Variants in CDC42BPB observed in about 807,000 individuals in gnomAD.
CDC42BPB encodes serine/threonine-protein kinase MRCK beta.
Under a neutral mutation model 214.9 loss-of-function variants are expected in CDC42BPB, and 37 were observed. The ratio of observed to expected loss-of-function variants is 0.17; its 90% CI spans 0.13 to 0.23. The LOEUF (loss-of-function observed/expected upper bound fraction) is 0.23, where lower values mean the gene tolerates loss of function less well. Ranked by LOEUF, CDC42BPB falls within the 10% of genes least tolerant of loss-of-function variation. The probability of loss-of-function intolerance (pLI) is 1.00; values close to 1 mark genes in which losing one functional copy is unlikely to be tolerated. For missense variants in CDC42BPB, 1,694 were observed against 2,227.0 expected, an observed-to-expected ratio of 0.76 and a Z score of 4.82; for synonymous variants, 931 against 884.0, an observed-to-expected ratio of 1.05 and a Z score of -0.94.
chr14:102,941,884 A>G lies in CDC42BPB; in HGVS notation c.4409-1560T>C, dbSNP rs553675657. Among the ~76,000 whole-genome samples, 17 of 152,332 alleles carry G rather than the reference A, an allele frequency of 1.1e-4. No individual in the cohort carries two copies. The East Asian group carries it at 3.3e-3, about 29-fold the overall frequency. On this transcript the variant is annotated intron_variant, in intron 30 of 36. Coordinates refer to ENST00000361246, the MANE Select transcript of CDC42BPB (RefSeq NM_006035.4). Reference sequence around the variant, plus strand: ...AAGGGTGCAGAATGAGCAGTTCTGCATCCTACAGGTGATGGAATTACTTTT... The same window carrying G: ...AAGGGTGCAGAATGAGCAGTTCTGCGTCCTACAGGTGATGGAATTACTTTT...
At position 103,003,977 on chromosome 14, in the gene CDC42BPB, C is replaced by T. The variant is rs978392521; in HGVS notation, c.398G>A (p.Cys133Tyr). The T allele has an allele frequency of 6.2e-7, 1 of 1,610,964 alleles. No homozygotes were observed. Among genetic ancestry groups the T allele is most frequent in the Non-Finnish European group, 8.5e-7 (1 of 1,179,540 alleles). ...GTAGTGCAGCGCGGTGATCCACTGG[C>T]AGTCGCCGTTCACCAGCACATCGCG... The part of the protein sequence containing the change: ...EERDVLVNGD[C>Y]QWITALHYAF... The change falls in exon 4 of 37, where the codon TGC (cysteine) becomes TAC (tyrosine). Residue 133 changes from cysteine (C) to tyrosine (Y), a missense_variant. By Grantham distance (194) the Cys-to-Tyr change is radical (BLOSUM62 -2). This residue lies in a region of CDC42BPB where 225 missense variants were observed against 459.3 expected (regional missense o/e 0.49). Coordinates refer to ENST00000361246, the MANE Select transcript of CDC42BPB (RefSeq NM_006035.4).
rs60528250 is a variant in CDC42BPB, at chr14:102,960,626, A to G, written c.2822-916T>C. On this transcript the variant is annotated intron_variant, in intron 20 of 36. Coordinates refer to ENST00000361246, the MANE Select transcript of CDC42BPB (RefSeq NM_006035.4). ...CCCTGTCACACACACAAAAAAACAC[A>G]TATCAAAAAACAAGAATCAAGTGGT... Among the ~76,000 whole-genome samples, 1,203 of 152,194 alleles carry G rather than the reference A, an allele frequency of 7.9e-3. 20 individuals are homozygous for G. The highest frequency in any genetic ancestry group is 0.028 in the African/African-American group (1,156 of 41,522).
At chr14:102,985,428 G>C (rs1041393761) in intron 6 of CDC42BPB, among the ~76,000 whole-genome samples, 2 of 152,026 alleles carry the variant, frequency 1.3e-5, no homozygotes, top group African/African-American at 4.8e-5. Flanking sequence ...CCATGCTCTG[G>C]TTATACTGTG....
chr14:103,009,994 G>A (rs927682281), intron 2 of CDC42BPB, among the ~76,000 whole-genome samples: 7 of 152,108 alleles, frequency 4.6e-5, no homozygotes, highest in African/African-American at 1.7e-4. Flanking sequence ...AAGAAAAAAA[G>A]AAAACAACTA....
chr14:103,012,950 C>T (rs1886240319), intron 1 of CDC42BPB, among the ~76,000 whole-genome samples: 1 of 152,226 alleles, frequency 6.6e-6, no homozygotes, highest in African/African-American at 2.4e-5. Context: ...TAGGTTTTGC[C>T]ATCTGAGTCT....
chr14:103,034,177 G>A (rs1200978314), intron 1 of CDC42BPB, among the ~76,000 whole-genome samples: 1 of 152,114 alleles, frequency 6.6e-6, no homozygotes, highest in African/African-American at 2.4e-5. Flanking sequence ...GAACGCTTTA[G>A]GACAAACAAG....
At chr14:102,959,754 TCTACATA>T (rs1298303588) in intron 20 of CDC42BPB, 44 bp from the exon 21 acceptor site, 100 of 1,566,146 alleles carry the variant, frequency 6.4e-5, no homozygotes, top group Non-Finnish European at 8.2e-5. Context: ...AAAACTAAAG[TCTACATA>T]TTATTTTCAG....
chr14:102,973,985 A>C (rs937192981), intron 12 of CDC42BPB, 31 bp downstream of exon 12: 1 of 1,582,386 alleles, frequency 6.3e-7, no homozygotes, highest in African/African-American at 1.4e-5. Flanking sequence ...AAGTCCCGTA[A>C]GCCTTTCTCA....
intron 30 of CDC42BPB, chr14:102,941,495 C>G: frequency 1.0e-6 from 1 of 985,430 alleles, no homozygotes; most frequent in Non-Finnish European, 1.2e-6. Context: ...TTCAGATGCA[C>G]CTGTGAGGCC....
In CDC42BPB at chr14:102,964,095, T is replaced by C. The variant is rs188941381; in HGVS notation, c.2726+407A>G. On this transcript the variant is annotated intron_variant, in intron 19 of 36. Transcript: ENST00000361246. ...TCAAGTGAGAATGCCATCTTCAACC[T>C]CTGTTTTAAAATATTCACGTTAGCT... Among the ~76,000 whole-genome samples, 5 of 152,350 alleles carry C rather than the reference T, an allele frequency of 3.3e-5. No individual in the cohort carries two copies. In the East Asian group the frequency reaches 9.6e-4, roughly 29 times the overall value.
At chr14:103,037,103 T>C (rs1445919910) in intron 1 of CDC42BPB, among the ~76,000 whole-genome samples, 1 of 151,056 alleles carries the variant, frequency 6.6e-6, no homozygotes, top group African/African-American at 2.5e-5. Flanking sequence ...ACTTTTAGAC[T>C]TATCAAAATC....
chr14:103,030,276 C>T (rs978459496), intron 1 of CDC42BPB, among the ~76,000 whole-genome samples: 32 of 152,218 alleles, frequency 2.1e-4, no homozygotes, highest in African/African-American at 7.2e-4. Flanking sequence ...CTTTTTAAAA[C>T]ATTTAAGAAT....
At chr14:102,988,426 T>G (rs1440903185) in intron 5 of CDC42BPB, among the ~76,000 whole-genome samples, 1 of 150,914 alleles carries the variant, frequency 6.6e-6, no homozygotes, top group Non-Finnish European at 1.5e-5. Flanking sequence ...AATATCAATG[T>G]CCTCTTTTTT....
At chr14:103,035,833 CT>C (rs1281506698) in intron 1 of CDC42BPB, among the ~76,000 whole-genome samples, 1 of 151,326 alleles carries the variant, frequency 6.6e-6, no homozygotes, top group Non-Finnish European at 1.5e-5. Context: ...GAGCAAGACT[CT>C]GTCTCAAAAA....
intron 3 of CDC42BPB, 60 bp downstream of exon 3, chr14:103,008,412 A>C: frequency 1.8e-6 from 2 of 1,107,996 alleles, no homozygotes; most frequent in Non-Finnish European, 2.8e-6. Context: ...AGCTGGCTTC[A>C]CAGTCACTTT....
rs570024937 is a variant in CDC42BPB at position 103,053,687 on chromosome 14, G to A, written c.175+3312C>T. Among the ~76,000 whole-genome samples, 8 of 150,752 alleles carry A rather than the reference G, an allele frequency of 5.3e-5. No individual in the cohort carries two copies. The South Asian group carries it at 6.4e-4, about 12-fold the overall frequency. On this transcript the variant is annotated intron_variant, in intron 1 of 36. Coordinates refer to ENST00000361246, the MANE Select transcript of CDC42BPB (RefSeq NM_006035.4). Reference sequence around the variant, plus strand: ...TGAGGCAGGAGAACAACGTGAACCCGGGAGGCAGAGCTTGCAGTGAGCCGA... The same window carrying A: ...TGAGGCAGGAGAACAACGTGAACCCAGGAGGCAGAGCTTGCAGTGAGCCGA...
intron 8 of CDC42BPB, 108 bp from the exon 9 acceptor site, chr14:102,978,313 T>C (rs912408868): frequency 6.5e-7 from 1 of 1,546,424 alleles, no homozygotes; most frequent in African/African-American, 1.4e-5. Flanking sequence ...GCAGAACATG[T>C]GGCCTTGGAG....
In CDC42BPB at chr14:102,968,487, T is replaced by C; in HGVS notation, c.2225A>G (p.Lys742Arg). 2 of 1,614,204 alleles carry C rather than the reference T, an allele frequency of 1.2e-6. No homozygotes were observed. The highest frequency in any genetic ancestry group is 1.7e-6 in the Non-Finnish European group (2 of 1,180,050). ...EILMLKDKLE[K>R]SKRERHNEME... ...GAAAACCTACCGTTCTCGCTTTGAC[T>C]TTTCTAACTTATCTTTTAACATCAA... is the stretch of plus-strand genomic sequence containing the variant. Residue 742 changes from lysine (K) to arginine (R), a missense_variant, in exon 15 of 37, where the codon AAG becomes AGG. Coordinates refer to ENST00000361246, the MANE Select transcript of CDC42BPB (RefSeq NM_006035.4).
chr14:102,964,719 TA>T, intron 18 of CDC42BPB, 69 bp from the exon 19 acceptor site: 1 of 1,491,732 alleles, frequency 6.7e-7, no homozygotes. Context: ...TGTTAACAAA[TA>T]AGTTATCTTT....
Sources: gnomAD v4.1 joint callset for allele counts (sites outside exome capture counted in the v4.1 genomes callset) on GRCh38, gnomAD v4.1.1 for gene constraint, gnomAD v4.1.1 regional missense constraint, MANE v1.5 for transcripts, NCBI Gene and HGNC (gene_info 2026-07-23, HGNC 2026-07-21) for gene names.